The following ZFP62 variants were observed in gnomAD, a reference collection of about 807,000 sequenced individuals.
ZFP62 encodes zinc finger protein 62 homolog.
A neutral mutation model predicts 56.4 loss-of-function variants in ZFP62; 44 were observed. That is an observed-to-expected ratio of 0.78 (90% CI 0.61 to 1.00). The LOEUF (loss-of-function observed/expected upper bound fraction) is 1.00, where lower values mean the gene tolerates loss of function less well. ZFP62 is among the 50% of genes least tolerant of loss of function. The pLI is 0.00. For missense variants in ZFP62, 1,030 were observed against 1,085.7 expected (o/e 0.95, Z 0.72); for synonymous variants, 421 against 388.9 (o/e 1.08, Z -0.97).
At chr5:180,843,847 GTTAAACAC>G (rs945752046), downstream of ZFP62, among the ~76,000 whole-genome samples, 2 of 152,196 alleles carry the variant, frequency 1.3e-5, no homozygotes, top group African/African-American at 4.8e-5. Flanking sequence ...CTTCACTAAG[GTTAAACAC>G]ATGCTGGGCC....
chr5:180,834,401 T>G, the ZFP62 span: 1 of 152,370 alleles, frequency 6.6e-6, no homozygotes, highest in Non-Finnish European at 1.5e-5. Flanking sequence ...ATATAGCTGG[T>G]GGGGACCAAG....
At chr5:180,833,675 T>TC in the ZFP62 span, among the ~76,000 whole-genome samples, 3 of 149,616 alleles carry the variant, frequency 2.0e-5, no homozygotes, top group Admixed American at 2.0e-4. Flanking sequence ...ACACGGTATT[T>TC]TTTTTTTTTT....
the ZFP62 span, among the ~76,000 whole-genome samples, chr5:180,838,497 C>T: frequency 6.6e-5 from 10 of 152,162 alleles, no homozygotes; most frequent in Admixed American, 3.3e-4. Context: ...GAAACTTGCA[C>T]GGGGTCTGAG....
chr5:180,850,463 T>C lies in ZFP62; in HGVS notation c.1032A>G (p.Lys344=), dbSNP rs1387613902. Reference sequence around the variant, plus strand: ...TGAGAAGAGAGCTATAATTAAAAGATTTCTCACACTCATCACATTTATAGG... The same window carrying C: ...TGAGAAGAGAGCTATAATTAAAAGACTTCTCACACTCATCACATTTATAGG... ...DKPYKCDECE[K]SFNYSSLLIQ... The change falls in exon 2 of 2, where the codon AAA becomes AAG. Residue 344 remains lysine, a synonymous_variant. Coordinates refer to ENST00000502412, the MANE Select transcript of ZFP62 (RefSeq NM_001172638.2). 1.9e-6 allele frequency: 3 copies of C among 1,552,512 alleles called. No homozygotes were observed. Among genetic ancestry groups the C allele is most frequent in the Non-Finnish European group, 2.6e-6 (3 of 1,147,540 alleles).
the ZFP62 span, among the ~76,000 whole-genome samples, chr5:180,832,136 G>A: frequency 6.6e-6 from 1 of 152,072 alleles, no homozygotes; most frequent in Non-Finnish European, 1.5e-5. Flanking sequence ...CTTGATTTTA[G>A]CCCAGTGAGA....
intron 1 of ZFP62, among the ~76,000 whole-genome samples, chr5:180,853,966 C>A (rs1463451922): frequency 6.6e-6 from 1 of 152,132 alleles, no homozygotes; most frequent in Admixed American, 6.5e-5. Flanking sequence ...TTCTAAATCA[C>A]ATATATGTGC....
At chr5:180,857,670 A>G (rs983251830) in intron 1 of ZFP62, among the ~76,000 whole-genome samples, 1 of 151,660 alleles carries the variant, frequency 6.6e-6, no homozygotes, top group Non-Finnish European at 1.5e-5. Context: ...GCTAATTTTT[A>G]TATTTTTAGT....
At chr5:180,828,455 A>C in the ZFP62 span, among the ~76,000 whole-genome samples, 2 of 152,184 alleles carry the variant, frequency 1.3e-5, no homozygotes, top group Non-Finnish European at 2.9e-5. Flanking sequence ...AGGGACCCCG[A>C]ATGGAAGGAC....
intron 1 of ZFP62, among the ~76,000 whole-genome samples, chr5:180,859,015 G>C (rs1404636662): frequency 6.6e-6 from 1 of 152,178 alleles, no homozygotes; most frequent in Non-Finnish European, 1.5e-5. Flanking sequence ...GCCTAGAAAA[G>C]TGAATGCAAA....
chr5:180,858,048 TTTG>T (rs1268075033), intron 1 of ZFP62, among the ~76,000 whole-genome samples: 1 of 145,216 alleles, frequency 6.9e-6, no homozygotes, highest in Non-Finnish European at 1.5e-5. Flanking sequence ...AGGTCAGGAG[TTTG>T]AGACCAGCCT....
chr5:180,848,707 A>G lies in ZFP62; in HGVS notation c.*85T>C. On this transcript the variant is annotated 3_prime_UTR_variant, in exon 2 of 2. Transcript: ENST00000502412. ...GGATGGTTTCATTTACACTGTGTAAATTACAAGCCATGACCCCCTACATTC... is the reference window on the plus strand; with the variant it reads ...GGATGGTTTCATTTACACTGTGTAAGTTACAAGCCATGACCCCCTACATTC... The G allele has an allele frequency of 4.2e-6, 6 of 1,445,570 alleles. No individual in the cohort carries two copies. The highest frequency in any genetic ancestry group is 4.6e-6 in the Non-Finnish European group (5 of 1,096,494). The allele number at this position is 1,445,570 out of a possible 1,614,324, so 89.5% of individuals were successfully genotyped here.
chr5:180,846,152 T>C (rs534688140), downstream of ZFP62, among the ~76,000 whole-genome samples: 3 of 152,242 alleles, frequency 2.0e-5, no homozygotes, highest in East Asian at 1.9e-4. Flanking sequence ...GACCCCACCA[T>C]GTCTGGGATC....
intron 1 of ZFP62, among the ~76,000 whole-genome samples, chr5:180,860,923 T>C (rs901887071): frequency 2.0e-5 from 3 of 152,112 alleles, no homozygotes; most frequent in Non-Finnish European, 2.9e-5. Context: ...GCCCTGGCCC[T>C]TCTCGGAACG....
chr5:180,842,017 A>G, the ZFP62 span, among the ~76,000 whole-genome samples: 1 of 152,208 alleles, frequency 6.6e-6, no homozygotes, highest in African/African-American at 2.4e-5. Context: ...CTGTACTCCA[A>G]CCTTGGGCGA....
the ZFP62 span, chr5:180,835,812 CTT>C: frequency 6.6e-6 from 1 of 152,144 alleles, no homozygotes. Flanking sequence ...CAGTATGAAA[CTT>C]TATTTGAAAT....
chr5:180,843,293 C>T (rs1721200570), downstream of ZFP62, among the ~76,000 whole-genome samples: 1 of 151,622 alleles, frequency 6.6e-6, no homozygotes, highest in Non-Finnish European at 1.5e-5. Context: ...ATTCCTAGGC[C>T]ACTAAAAGAA....
At chr5:180,860,302 A>T (rs575749623) in intron 1 of ZFP62, among the ~76,000 whole-genome samples, 1 of 152,222 alleles carries the variant, frequency 6.6e-6, no homozygotes, top group African/African-American at 2.4e-5. Flanking sequence ...GTAACTTTTT[A>T]TATTTTTAAT....
the ZFP62 span, among the ~76,000 whole-genome samples, chr5:180,838,373 T>G: frequency 6.6e-6 from 1 of 152,154 alleles, no homozygotes; most frequent in East Asian, 1.9e-4. Flanking sequence ...GTCATGAAAG[T>G]TGAGGAAGGG....
At position 180,848,496 on chromosome 5, in the gene ZFP62, T is replaced by C; in HGVS notation, c.*296A>G. Reference sequence around the variant, plus strand: ...CTAATTGAAGCCCTTTCCTCATCTGTGTTTTATGTCCAGAAATGTCTACTG... The same window carrying C: ...CTAATTGAAGCCCTTTCCTCATCTGCGTTTTATGTCCAGAAATGTCTACTG... On this transcript the variant is annotated 3_prime_UTR_variant, in exon 2 of 2. Transcript: ENST00000502412. 1 of 1,107,680 alleles carries C rather than the reference T, an allele frequency of 9.0e-7. No individual in the cohort carries two copies. The highest frequency in any genetic ancestry group is 1.1e-6 in the Non-Finnish European group (1 of 907,842). 68.6% of individuals were successfully genotyped at this position (1,107,680 alleles called of 1,614,324 possible).
Sources: allele counts gnomAD v4.1 joint callset (sites outside exome capture counted in the v4.1 genomes callset), GRCh38; gene constraint gnomAD v4.1.1; transcripts MANE v1.5; gene names NCBI Gene and HGNC (gene_info 2026-07-23, HGNC 2026-07-21).